RBMS1: variants seen among roughly 807,000 people sequenced by gnomAD.
The protein encoded by RBMS1 is RNA binding motif single stranded interacting protein 1, also known as RNA-binding motif, single-stranded-interacting protein 1.
A neutral mutation model predicts 62.3 loss-of-function variants in RBMS1; 17 were observed. The ratio of observed to expected loss-of-function variants is 0.27; its 90% CI spans 0.19 to 0.41. The LOEUF (loss-of-function observed/expected upper bound fraction) is 0.41, where lower values mean the gene tolerates loss of function less well. Ranked by LOEUF, RBMS1 falls within the 10% of genes least tolerant of loss-of-function variation. The pLI, the probability that RBMS1 is intolerant of heterozygous loss-of-function variation, is 1.00. For synonymous variants in RBMS1, 172 were observed against 170.0 expected (o/e 1.01, Z -0.09); for missense variants, 334 against 504.5 (o/e 0.66, Z 3.24).
chr2:160,338,992 A>AG (rs1435382216), intron 2 of RBMS1, among the ~76,000 whole-genome samples: 7 of 152,332 alleles, frequency 4.6e-5, no homozygotes, highest in African/African-American at 1.7e-4. Flanking sequence ...GAGAACACTG[A>AG]GGCCAGGAAG....
At chr2:160,285,154 G>C in intron 7 of RBMS1, 110 bp from the exon 8 acceptor site, 1 of 1,024,334 alleles carries the variant, frequency 9.8e-7, no homozygotes, top group Non-Finnish European at 1.5e-6. Flanking sequence ...CTGCTGGGGA[G>C]GCTGAGGTGG....
At position 160,277,289 on chromosome 2, in the gene RBMS1, T is replaced by C. The variant is rs1405993729; in HGVS notation, c.1143+14A>G. On this transcript the variant is annotated intron_variant, in intron 12 of 13. Coordinates refer to ENST00000348849, the MANE Select transcript of RBMS1 (RefSeq NM_016836.4). ...ACTTATAGCCAGAATGGTCACTGGA[T>C]GGTCTCTACCAACCTCAACAGGAAC... The C allele has an allele frequency of 4.4e-6, 7 of 1,586,202 alleles. No homozygotes were observed. Among genetic ancestry groups the C allele is most frequent in the South Asian group, 1.1e-5 (1 of 90,192 alleles).
At chr2:160,281,699 A>G (rs1688112824) in intron 9 of RBMS1, 1 of 207,176 alleles carries the variant, frequency 4.8e-6, no homozygotes, top group Non-Finnish European at 9.6e-6. Flanking sequence ...CAACTCAAAT[A>G]GTGAAAAGTG....
At chr2:160,298,566 G>A (rs1355371415) in intron 6 of RBMS1, among the ~76,000 whole-genome samples, 1 of 152,042 alleles carries the variant, frequency 6.6e-6, no homozygotes, top group African/African-American at 2.4e-5. Context: ...CACAAGATGG[G>A]AAGAAAACGG....
intron 1 of RBMS1, among the ~76,000 whole-genome samples, chr2:160,380,743 G>A (rs1354147587): frequency 6.6e-6 from 1 of 152,126 alleles, no homozygotes; most frequent in Non-Finnish European, 1.5e-5. Context: ...AACAATTTAG[G>A]AAGGAATAGA....
intron 1 of RBMS1, among the ~76,000 whole-genome samples, chr2:160,460,640 G>A (rs911352092): frequency 1.2e-4 from 19 of 152,272 alleles, no homozygotes; most frequent in Admixed American, 9.8e-4. Context: ...TTGCTTTTCC[G>A]CAATTTCCTC....
chr2:160,389,476 T>C (rs889442403), intron 1 of RBMS1, among the ~76,000 whole-genome samples: 2 of 151,992 alleles, frequency 1.3e-5, no homozygotes, highest in Non-Finnish European at 2.9e-5. Flanking sequence ...GGCAGGTGGA[T>C]CACCTGAGGT....
intron 3 of RBMS1, among the ~76,000 whole-genome samples, chr2:160,313,504 G>A (rs113633451): frequency 1.5e-4 from 23 of 151,770 alleles, no homozygotes; most frequent in Admixed American, 4.6e-4. Context: ...GATCTTACGT[G>A]TCTTGTATTT....
chr2:160,297,380 C>A (rs1040959131), intron 6 of RBMS1, among the ~76,000 whole-genome samples: 2 of 152,174 alleles, frequency 1.3e-5, no homozygotes, highest in Non-Finnish European at 2.9e-5. Context: ...CAATTTCCCC[C>A]CACATGGTAG....
chr2:160,471,691 G>GTGTGTATGTATATATATATATATA (rs1275928756), intron 1 of RBMS1, among the ~76,000 whole-genome samples: 3 of 65,934 alleles, frequency 4.6e-5, no homozygotes, highest in Non-Finnish European at 9.5e-5. Flanking sequence ...ATCCTTTGGT[G>GTGTGTATGTATATATATATATATA]TATATATATA....
Position 160,300,724 on chromosome 2 carries a change from T to C in RBMS1, c.567A>G (p.Glu189=). The stretch of plus-strand genomic sequence containing the variant: ...TAACAGCTTCACATTTTTCTGTTGA[T>C]TCCATCCTATTTATAATAAAAATAG... ...TSRGVGFARM[E]STEKCEAVIG... Residue 189 remains glutamate (E), a synonymous_variant, in exon 6 of 14, where the codon GAA becomes GAG. Transcript: ENST00000348849. The C allele has an allele frequency of 6.3e-7, 1 of 1,591,930 alleles. No homozygotes were observed. The highest frequency in any genetic ancestry group is 2.0e-4 in the Middle Eastern group (1 of 5,002).
chr2:160,319,112 T>C (rs2105970491), intron 2 of RBMS1, among the ~76,000 whole-genome samples: 1 of 152,254 alleles, frequency 6.6e-6, no homozygotes, highest in Admixed American at 6.5e-5. Flanking sequence ...CCCCACACTC[T>C]CTCCATAGTG....
chr2:160,405,051 TGGATA>T (rs1695629169), intron 1 of RBMS1, among the ~76,000 whole-genome samples: 1 of 152,196 alleles, frequency 6.6e-6, no homozygotes, highest in South Asian at 2.1e-4. Context: ...AATTGTAAAA[TGGATA>T]TACAAATATT....
chr2:160,369,862 A>G (rs1693624325), intron 1 of RBMS1, among the ~76,000 whole-genome samples: 1 of 152,070 alleles, frequency 6.6e-6, no homozygotes, highest in Non-Finnish European at 1.5e-5. Context: ...AAACATTTGG[A>G]TGTATGACTT....
intron 4 of RBMS1, among the ~76,000 whole-genome samples, chr2:160,311,254 A>ATC (rs1689895378): frequency 7.5e-6 from 1 of 133,470 alleles, no homozygotes; most frequent in African/African-American, 2.7e-5. Context: ...ATATATATAT[A>ATC]TATAGTCTGT....
intron 1 of RBMS1, among the ~76,000 whole-genome samples, chr2:160,388,595 G>C (rs1156936740): frequency 6.6e-6 from 1 of 152,272 alleles, no homozygotes; most frequent in Non-Finnish European, 1.5e-5. Flanking sequence ...GCTCCACACA[G>C]AGTCCACCTT....
At chr2:160,389,698 CAAAAAAAAAAAAAAA>C (rs61570926) in intron 1 of RBMS1, among the ~76,000 whole-genome samples, 2 of 50,376 alleles carry the variant, frequency 4.0e-5, no homozygotes, top group African/African-American at 8.7e-5. Flanking sequence ...ACTCTTGTCT[CAAAAAAAAAAAAAAA>C]AAAAAAAAAA....
chr2:160,423,672 C>A (rs1289779044), intron 1 of RBMS1, among the ~76,000 whole-genome samples: 1 of 152,130 alleles, frequency 6.6e-6, no homozygotes, highest in Non-Finnish European at 1.5e-5. Flanking sequence ...ATGATCTCAC[C>A]CACAACTAAC....
At chr2:160,472,307 T>A (rs920687630) in intron 1 of RBMS1, among the ~76,000 whole-genome samples, 10 of 152,252 alleles carry the variant, frequency 6.6e-5, no homozygotes, top group African/African-American at 2.4e-4. Flanking sequence ...ACATTAAAAA[T>A]ATATATATTT....
Sources: gnomAD v4.1 joint callset for allele counts (sites outside exome capture counted in the v4.1 genomes callset) on GRCh38, gnomAD v4.1.1 for gene constraint, MANE v1.5 for transcripts, NCBI Gene and HGNC (gene_info 2026-07-23, HGNC 2026-07-21) for gene names.